HSPA9: variants seen among roughly 807,000 people sequenced by gnomAD.
HSPA9 encodes stress-70 protein, mitochondrial.
Under a neutral mutation model 81.5 loss-of-function variants are expected in HSPA9, and 28 were observed. The observed-to-expected ratio is 0.34, with a 90% CI of 0.25 to 0.47. The LOEUF is 0.47. Among genes scored for constraint, HSPA9 ranks in the 20% least tolerant of loss-of-function variants. HSPA9 has a pLI of 1.00. For missense variants in HSPA9, 678 were observed against 838.0 expected (o/e 0.81, Z 2.36); for synonymous variants, 293 against 290.4 (o/e 1.01, Z -0.09).
chr5:138,575,065 C>T, intron 1 of HSPA9, 173 bp downstream of exon 1: 1 of 619,614 alleles, frequency 1.6e-6, no homozygotes, highest in South Asian at 2.0e-5. Flanking sequence ...GAGGCAAAAC[C>T]TTGGGCAAAA....
At chr5:138,571,890 GACCTCAGGC>G (rs1378913106) in intron 3 of HSPA9, among the ~76,000 whole-genome samples, 1 of 150,398 alleles carries the variant, frequency 6.6e-6, no homozygotes, top group Non-Finnish European at 1.5e-5. Context: ...TCGAACTCCT[GACCTCAGGC>G]GATCCGCCCA....
In HSPA9 at chr5:138,570,955, C is replaced by T; in HGVS notation, c.410+5G>A. On this transcript the variant is annotated splice_donor_5th_base_variant and intron_variant, in intron 4 of 16. Coordinates refer to ENST00000297185, the MANE Select transcript of HSPA9 (RefSeq NM_004134.7). ...TTTTTGCAAAAAACTTTTGCTGTTA[C>T]TCACATGTCTTTCTGTACTTCAGGA... is the stretch of plus-strand genomic sequence containing the variant. The T allele has an allele frequency of 6.2e-7, 1 of 1,613,918 alleles. No homozygotes were observed. The highest frequency in any genetic ancestry group is 8.5e-7 in the Non-Finnish European group (1 of 1,179,894).
rs556511455 is a variant in HSPA9 at position 138,575,377 on chromosome 5, G to C, written c.-59C>G. 4 of 1,410,642 alleles carry C rather than the reference G, an allele frequency of 2.8e-6. No homozygotes were observed. Among genetic ancestry groups the C allele is most frequent in the Non-Finnish European group, 4.0e-6 (4 of 1,002,642 alleles). 87.4% of individuals were successfully genotyped at this position (1,410,642 alleles called of 1,614,324 possible). A position where few individuals can be genotyped will look rare whatever the true frequency, so the allele number is the denominator to read the frequency against. On this transcript the variant is annotated 5_prime_UTR_variant, in exon 1 of 17. Coordinates refer to ENST00000297185, the MANE Select transcript of HSPA9 (RefSeq NM_004134.7). ...AAGCGCTCCGACGGCAAAGAGCTGC[G>C]CGATGCGGTGGCGGCAGCGCTTCTG...
Position 138,556,798 on chromosome 5 carries a change from G to C in HSPA9, c.1797C>G (p.Phe599Leu), listed in dbSNP as rs1750537765. Residue 599 changes from phenylalanine (F) to leucine (L), a missense_variant, in exon 15 of 17, where the codon TTC (phenylalanine) becomes TTG (leucine). Physicochemically the swap from Phe to Leu is conservative, Grantham distance 22. Around this residue, in one of 4 missense-constraint regions of HSPA9, gnomAD observed 100 missense variants for 99.5 expected, o/e 1.00. Transcript: ENST00000297185. ...IHDTETKMEE[F>L]KDQLPADECN... ...CCTCATCAGCAGGTAATTGGTCCTT[G>C]AATTCTTCCATCTTGGTTTCTGTGT... 6.2e-7 allele frequency: 1 copy of C among 1,613,630 alleles called. No individual in the cohort carries two copies.
In HSPA9 at chr5:138,558,661, G is replaced by T; in HGVS notation, c.1411-4C>A. On this transcript the variant is annotated splice_polypyrimidine_tract_variant and splice_region_variant and intron_variant, in intron 11 of 16. Coordinates refer to ENST00000297185, the MANE Select transcript of HSPA9 (RefSeq NM_004134.7). ...CATCAGCGGCAGTAGAGAATACCTAGGGAAGAAGAAACCCTCCTGGGTTGT... is the reference window on the plus strand; with the variant it reads ...CATCAGCGGCAGTAGAGAATACCTATGGAAGAAGAAACCCTCCTGGGTTGT... The T allele has an allele frequency of 1.3e-6, 2 of 1,591,492 alleles. No individual in the cohort carries two copies. The highest frequency in any genetic ancestry group is 1.7e-6 in the Non-Finnish European group (2 of 1,159,456).
chr5:138,573,221 G>T (rs2127162750), intron 3 of HSPA9, among the ~76,000 whole-genome samples: 2 of 152,140 alleles, frequency 1.3e-5, no homozygotes, highest in South Asian at 4.1e-4. Context: ...TAGAGACGGG[G>T]TTTCACCATT....
At chr5:138,574,618 GGCTCCTTCCAAGCCTTCC>G (rs2072851286) in intron 1 of HSPA9, among the ~76,000 whole-genome samples, 1 of 152,162 alleles carries the variant, frequency 6.6e-6, no homozygotes. Flanking sequence ...CTTAACCTCA[GGCTCCTTCCAAGCCTTCC>G]TTAATGCCCA....
Position 138,571,101 on chromosome 5 carries a change from A to G in HSPA9, c.269T>C (p.Val90Ala), listed in dbSNP as rs1750874183. Residue 90 changes from valine (V) to alanine (A), a missense_variant, in exon 4 of 17, where the codon GTT becomes GCT. Around this residue, in one of 4 missense-constraint regions of HSPA9, gnomAD observed 484 missense variants for 647.5 expected, o/e 0.75. Coordinates refer to ENST00000297185, the MANE Select transcript of HSPA9 (RefSeq NM_004134.7). ...CTCACCATCTGCTGTAAAGGCCACA[A>G]CTGAAGGGGTGGTTCTGGCACCTTC... The part of the protein sequence containing the change: ...NAEGARTTPS[V>A]VAFTADGERL... 1.2e-6 allele frequency: 2 copies of G among 1,613,994 alleles called. No homozygotes were observed. The highest frequency in any genetic ancestry group is 2.7e-5 in the African/African-American group (2 of 74,918).
At position 138,555,974 on chromosome 5, in the gene HSPA9, A is replaced by C; in HGVS notation, c.*63T>G. The C allele has an allele frequency of 8.6e-7, 1 of 1,167,050 alleles. No homozygotes were observed. Among genetic ancestry groups the C allele is most frequent in the Middle Eastern group, 2.3e-4 (1 of 4,328 alleles). 72.3% of individuals were successfully genotyped at this position (1,167,050 alleles called of 1,614,324 possible). A position where few individuals can be genotyped will look rare whatever the true frequency, so the allele number is the denominator to read the frequency against. On this transcript the variant is annotated 3_prime_UTR_variant, in exon 17 of 17. Coordinates refer to ENST00000297185, the MANE Select transcript of HSPA9 (RefSeq NM_004134.7). ...GACTGAAGTTCGCCCATTTCTGCTC[A>C]GGAAGTCTCTTCACTCCTAAGCTTC...
intron 5 of HSPA9, among the ~76,000 whole-genome samples, 174 bp from the exon 6 acceptor site, chr5:138,567,896 A>C (rs1392531809): frequency 6.6e-6 from 1 of 152,362 alleles, no homozygotes; most frequent in East Asian, 1.9e-4. Flanking sequence ...TTAAAAACCC[A>C]AGATCAGGCC....
In HSPA9 at chr5:138,566,671, C is replaced by T. The variant is rs1467773137; in HGVS notation, c.927G>A (p.Arg309=). The T allele has an allele frequency of 6.2e-7, 1 of 1,614,028 alleles. No individual in the cohort carries two copies. The change falls in exon 9 of 17, where the codon CGG becomes CGA. Residue 309 remains arginine (R), a synonymous_variant. Coordinates refer to ENST00000297185, the MANE Select transcript of HSPA9 (RefSeq NM_004134.7). ...CACATTTAGCCTTTTCAGCAGCTTC[C>T]CGTACCCTCTGAAGTGCCATGTTGT... ...TKDNMALQRV[R]EAAEKAKCEL... is the part of the protein sequence containing the mutation.
intron 11 of HSPA9, chr5:138,558,917 A>T: frequency 2.4e-6 from 1 of 415,456 alleles, no homozygotes; most frequent in Non-Finnish European, 4.5e-6. Context: ...AAAGGAACTA[A>T]AATGTTGAAA....
At chr5:138,574,340 G>A (rs948944733) in intron 1 of HSPA9, among the ~76,000 whole-genome samples, 3 of 152,182 alleles carry the variant, frequency 2.0e-5, no homozygotes, top group Admixed American at 6.5e-5. Context: ...TATTAATTTT[G>A]GGCGAAATTT....
At chr5:138,569,633 T>C (rs961483944) in intron 4 of HSPA9, among the ~76,000 whole-genome samples, 4 of 141,852 alleles carry the variant, frequency 2.8e-5, no homozygotes, top group East Asian at 1.9e-4. Context: ...AAGCCAGTCA[T>C]AGAGGTCCAC....
chr5:138,571,806 CTAA>C (rs1218635140), intron 3 of HSPA9, among the ~76,000 whole-genome samples: 1 of 68,432 alleles, frequency 1.5e-5, no homozygotes, highest in African/African-American at 4.1e-5. Flanking sequence ...CCACACCCAA[CTAA>C]TTTTGTGTGT....
At chr5:138,564,545 G>A (rs993290745) in intron 9 of HSPA9, among the ~76,000 whole-genome samples, 17 of 152,178 alleles carry the variant, frequency 1.1e-4, no homozygotes, top group Non-Finnish European at 1.5e-5. Flanking sequence ...CTACAGGCAC[G>A]CACCTGTGGT....
chr5:138,557,232 TG>T (rs1364339214), intron 14 of HSPA9, 169 bp downstream of exon 14: 3 of 661,780 alleles, frequency 4.5e-6, no homozygotes, highest in African/African-American at 3.6e-5. Flanking sequence ...CCCAAGTAGC[TG>T]GGACTGCAGG....
At chr5:138,560,241 T>C (rs1457614596) in intron 10 of HSPA9, 150 bp from the exon 11 acceptor site, 1 of 690,398 alleles carries the variant, frequency 1.4e-6, no homozygotes, top group Non-Finnish European at 2.6e-6. Flanking sequence ...ATTTCGTACT[T>C]GGGTTCCTGC....
rs1229007431 is a variant in HSPA9 at position 138,554,824 on chromosome 5, T to C, written c.*1213A>G. On this transcript the variant is annotated 3_prime_UTR_variant, in exon 17 of 17. Coordinates refer to ENST00000297185, the MANE Select transcript of HSPA9 (RefSeq NM_004134.7). ...CAGGTTGTCAGCACATGATAATTAT[T>C]AGAACTACATCAGAGAATTTGGGAC... 2 of 152,322 alleles carry C rather than the reference T, an allele frequency of 1.3e-5. No individual in the cohort carries two copies. Among genetic ancestry groups the C allele is most frequent in the African/African-American group, 4.8e-5 (2 of 41,572 alleles). 9.4% of individuals were successfully genotyped at this position (152,322 alleles called of 1,614,324 possible).
Sources: gnomAD v4.1 joint callset for allele counts (sites outside exome capture counted in the v4.1 genomes callset) on GRCh38, gnomAD v4.1.1 for gene constraint, gnomAD v4.1.1 regional missense constraint, MANE v1.5 for transcripts, NCBI Gene and HGNC (gene_info 2026-07-23, HGNC 2026-07-21) for gene names.